AKAP13: variants seen among roughly 807,000 people sequenced by gnomAD.
AKAP13 encodes the protein A-kinase anchoring protein 13, also known as A-kinase anchor protein 13.
In AKAP13, 80 loss-of-function variants were observed where a neutral mutation model predicts 264.5. The ratio of observed to expected loss-of-function variants is 0.30; its 90% confidence interval spans 0.25 to 0.36. The LOEUF (loss-of-function observed/expected upper bound fraction) is 0.36. Among genes scored for constraint, AKAP13 ranks in the 10% least tolerant of loss-of-function variants. The probability of loss-of-function intolerance (pLI) is 1.00; values close to 1 mark genes in which losing one functional copy is unlikely to be tolerated. For missense variants in AKAP13, 3,712 were observed against 3,435.2 expected (o/e 1.08, Z -2.01); for synonymous variants, 1,380 against 1,250.2 (o/e 1.10, Z -2.19).
chr15:85,546,352 A>ACG, intron 5 of AKAP13, among the ~76,000 whole-genome samples: 1 of 151,952 alleles, frequency 6.6e-6, no homozygotes, highest in Non-Finnish European at 1.5e-5. Flanking sequence ...ACACACACAC[A>ACG]CACACACAGC....
At chr15:85,572,914 G>A (rs1252873738) in intron 5 of AKAP13, among the ~76,000 whole-genome samples, 2 of 152,176 alleles carry the variant, frequency 1.3e-5, no homozygotes, top group African/African-American at 2.4e-5. Flanking sequence ...GTGAAAACAT[G>A]TGGTGTTTGG....
At position 85,710,629 on chromosome 15, in the gene AKAP13, C is replaced by G; in HGVS notation, c.5583C>G (p.Val1861=). 1 of 1,613,820 alleles carries G rather than the reference C, an allele frequency of 6.2e-7. No homozygotes were observed. Among genetic ancestry groups the G allele is most frequent in the African/African-American group, 1.3e-5 (1 of 75,040 alleles). ...ATGACACATCATCACTGCCCACGGTCATTATGAGAAACAAGCGTAAGTAGC... is the reference window on the plus strand; with the variant it reads ...ATGACACATCATCACTGCCCACGGTGATTATGAGAAACAAGCGTAAGTAGC... ...QAHDTSSLPT[V]IMRNKPSQPK... The change falls in exon 19 of 37, where the codon GTC becomes GTG. Residue 1861 remains valine (V), a synonymous_variant. Coordinates refer to ENST00000394518, the MANE Select transcript of AKAP13 (RefSeq NM_007200.5).
At chr15:85,514,646 C>T (rs564684398) in intron 2 of AKAP13, among the ~76,000 whole-genome samples, 4 of 137,806 alleles carry the variant, frequency 2.9e-5, no homozygotes, top group African/African-American at 1.2e-4. Context: ...ACACTGGCTG[C>T]CATGAGTTGC....
intron 8 of AKAP13, among the ~76,000 whole-genome samples, chr15:85,611,269 TCA>T (rs2080608452): frequency 2.0e-5 from 3 of 152,316 alleles, no homozygotes; most frequent in South Asian, 4.1e-4. Flanking sequence ...TGAGTTCCAG[TCA>T]CACACTTTCA....
chr15:85,512,356 C>A (rs781694145), intron 2 of AKAP13, among the ~76,000 whole-genome samples: 1 of 152,158 alleles, frequency 6.6e-6, no homozygotes, highest in Admixed American at 6.5e-5. Flanking sequence ...TCTTGCTTCT[C>A]CTCCCTTCTC....
intron 1 of AKAP13, among the ~76,000 whole-genome samples, chr15:85,463,338 C>T (rs894573103): frequency 3.3e-5 from 5 of 152,192 alleles, no homozygotes; most frequent in African/African-American, 9.7e-5. Flanking sequence ...TGCCGTTTGA[C>T]AAATTAAAAG....
chr15:85,457,356 A>T (rs769894720), intron 1 of AKAP13, among the ~76,000 whole-genome samples: 25 of 152,320 alleles, frequency 1.6e-4, no homozygotes, highest in Non-Finnish European at 3.1e-4. Context: ...TTTAAGGAAA[A>T]CACCATCTCG....
chr15:85,740,576 T>G (rs935851344), intron 34 of AKAP13: 24 of 396,248 alleles, frequency 6.1e-5, no homozygotes, highest in Non-Finnish European at 9.1e-5. Flanking sequence ...GATTATAAGT[T>G]TCTATATTCC....
Position 85,575,321 on chromosome 15 carries a change from C to G in AKAP13, c.853C>G (p.Gln285Glu), listed in dbSNP as rs561724120. Reference sequence around the variant, plus strand: ...TTTTAAACTTATGAACATCCAACAGCAACTAATGGTAAGTCAGAAAGCTTT... The same window carrying G: ...TTTTAAACTTATGAACATCCAACAGGAACTAATGGTAAGTCAGAAAGCTTT... ...PIFKLMNIQQ[Q>E]LMKTNLKQMD... Residue 285 changes from glutamine to glutamate, a missense_variant, in exon 6 of 37, where the codon CAA becomes GAA. Coordinates refer to ENST00000394518, the MANE Select transcript of AKAP13 (RefSeq NM_007200.5). 6.2e-7 allele frequency: 1 copy of G among 1,613,990 alleles called. No individual in the cohort carries two copies. Among genetic ancestry groups the G allele is most frequent in the East Asian group, 2.2e-5 (1 of 44,880 alleles).
chr15:85,457,788 A>G (rs1437589337), intron 1 of AKAP13, among the ~76,000 whole-genome samples: 2 of 152,148 alleles, frequency 1.3e-5, no homozygotes, highest in Non-Finnish European at 2.9e-5. Context: ...TCACGAAGAG[A>G]GATTTGAATG....
intron 2 of AKAP13, among the ~76,000 whole-genome samples, chr15:85,518,806 G>T (rs1359039812): frequency 6.6e-6 from 1 of 152,222 alleles, no homozygotes; most frequent in Non-Finnish European, 1.5e-5. Context: ...TCCAGCCTGG[G>T]AAACTAAGTG....
intron 8 of AKAP13, among the ~76,000 whole-genome samples, chr15:85,625,828 T>G (rs1036196055): frequency 6.0e-5 from 9 of 151,170 alleles, no homozygotes; most frequent in African/African-American, 2.2e-4. Context: ...GCCTTGGTTG[T>G]TTGAGTGAGA....
At chr15:85,666,919 C>G (rs772296235) in intron 13 of AKAP13, among the ~76,000 whole-genome samples, 1 of 152,152 alleles carries the variant, frequency 6.6e-6, no homozygotes, top group Non-Finnish European at 1.5e-5. Context: ...AAATTATTTG[C>G]TTTTATATCA....
rs201288251 is a variant in AKAP13, at chr15:85,741,143, T to C, written c.7706T>C (p.Ile2569Thr). Residue 2569 changes from isoleucine to threonine, a missense_variant, in exon 35 of 37, where the codon ATT (isoleucine) becomes ACT (threonine). Physicochemically the swap from Ile to Thr is moderately conservative, Grantham distance 89. Transcript: ENST00000394518. ...TRSLSRPSSLIEQEKQRSLEK... is the reference protein window; with the variant it reads ...TRSLSRPSSLTEQEKQRSLEK... ...AGCTTGTCCCGCCCGAGCTCCCTCA[T>C]TGAGCAGGAGAAGCAGCGCAGCCTG... The C allele has an allele frequency of 8.1e-6, 13 of 1,613,590 alleles. No individual in the cohort carries two copies. Among genetic ancestry groups the C allele is most frequent in the African/African-American group, 8.0e-5 (6 of 75,044 alleles).
chr15:85,530,471 G>A lies in AKAP13; in HGVS notation c.182-3113G>A, dbSNP rs535300207. Among the ~76,000 whole-genome samples, 10 of 152,276 alleles carry A rather than the reference G, an allele frequency of 6.6e-5. No individual in the cohort carries two copies. The South Asian group carries it at 2.1e-3, about 32-fold the overall frequency. On this transcript the variant is annotated intron_variant, in intron 3 of 36. Transcript: ENST00000394518. Reference sequence around the variant, plus strand: ...AGAAAGGAAAAGGACTGGTTAAATGGATAGGGCTGTGGATATTCTGTTTTA... The same window carrying A: ...AGAAAGGAAAAGGACTGGTTAAATGAATAGGGCTGTGGATATTCTGTTTTA...
At chr15:85,418,221 G>A (rs1046970961) in intron 1 of AKAP13, among the ~76,000 whole-genome samples, 4 of 151,854 alleles carry the variant, frequency 2.6e-5, no homozygotes, top group African/African-American at 7.2e-5. Context: ...GACTACAGGC[G>A]TGCGCCACCA....
chr15:85,475,859 G>C (rs1211707424), intron 1 of AKAP13, among the ~76,000 whole-genome samples: 4 of 152,280 alleles, frequency 2.6e-5, no homozygotes, highest in Middle Eastern at 3.4e-3. Context: ...TGTCTCTGAT[G>C]TTCATGTCAA....
At chr15:85,664,100 T>A (rs866637831) in intron 12 of AKAP13, among the ~76,000 whole-genome samples, 39 of 152,198 alleles carry the variant, frequency 2.6e-4, no homozygotes, top group African/African-American at 7.0e-4. Context: ...TGTAAAATTA[T>A]AAAGGTCCAC....
At chr15:85,656,821 G>A (rs1267967990) in intron 11 of AKAP13, among the ~76,000 whole-genome samples, 1 of 152,154 alleles carries the variant, frequency 6.6e-6, no homozygotes, top group African/African-American at 2.4e-5. Context: ...AATGAGTATG[G>A]TAGTGCCTAC....
Sources: allele counts gnomAD v4.1 joint callset (sites outside exome capture counted in the v4.1 genomes callset), GRCh38; gene constraint gnomAD v4.1.1; transcripts MANE v1.5; gene names NCBI Gene and HGNC (gene_info 2026-07-23, HGNC 2026-07-21).